Variants in KHDRBS2 observed in about 807,000 individuals in gnomAD.
KHDRBS2 encodes KH RNA binding domain containing, signal transduction associated 2, also known as KH domain-containing, RNA-binding, signal transduction-associated protein 2.
A neutral mutation model predicts 44.3 loss-of-function variants in KHDRBS2; 26 were observed. That is an observed-to-expected ratio of 0.59 (90% confidence interval 0.43 to 0.81). The LOEUF is 0.81. Ranked by LOEUF, KHDRBS2 falls within the 40% of genes least tolerant of loss-of-function variation. The pLI is 0.00. For synonymous variants in KHDRBS2, 194 were observed against 151.1 expected, an observed-to-expected ratio of 1.28 and a Z score of -2.08; for missense variants, 476 against 433.1, an observed-to-expected ratio of 1.10 and a Z score of -0.88.
At chr6:61,991,603 G>A (rs1776150146) in intron 3 of KHDRBS2, among the ~76,000 whole-genome samples, 1 of 152,236 alleles carries the variant, frequency 6.6e-6, no homozygotes, top group Non-Finnish European at 1.5e-5. Flanking sequence ...TTGAAAGGGT[G>A]AGTCGTCACT....
intron 6 of KHDRBS2, among the ~76,000 whole-genome samples, chr6:61,847,898 CT>C (rs1269226840): frequency 7.4e-6 from 1 of 135,458 alleles, no homozygotes; most frequent in African/African-American, 2.9e-5. Context: ...TTAATAAAGA[CT>C]TTAAAATGAT....
intron 2 of KHDRBS2, among the ~76,000 whole-genome samples, chr6:62,123,260 G>A (rs1187855500): frequency 1.3e-5 from 2 of 152,150 alleles, no homozygotes; most frequent in Admixed American, 6.5e-5. Flanking sequence ...AGTATTCCAT[G>A]GTGTATATGT....
intron 6 of KHDRBS2, among the ~76,000 whole-genome samples, chr6:61,847,738 T>A (rs1794621064): frequency 6.6e-6 from 1 of 152,098 alleles, no homozygotes. Context: ...TTTCTCTACT[T>A]CCTTCATGGA....
intron 2 of KHDRBS2, among the ~76,000 whole-genome samples, chr6:62,071,148 G>A (rs1207753182): frequency 7.2e-5 from 11 of 152,136 alleles, no homozygotes; most frequent in Admixed American, 7.2e-4. Context: ...CTTTTGAGAA[G>A]TTTCTGTTCA....
intron 7 of KHDRBS2, among the ~76,000 whole-genome samples, chr6:61,718,897 C>T (rs1189935007): frequency 2.0e-5 from 3 of 152,090 alleles, no homozygotes; most frequent in East Asian, 1.9e-4. Context: ...TCTAATTCCC[C>T]GCCCCCACAC....
At chr6:62,064,697 T>C (rs1021552012) in intron 2 of KHDRBS2, among the ~76,000 whole-genome samples, 1 of 151,900 alleles carries the variant, frequency 6.6e-6, no homozygotes, top group Non-Finnish European at 1.5e-5. Context: ...AACCTAGGCA[T>C]TACCATTCAG....
chr6:62,186,707 G>A (rs1025881687), intron 1 of KHDRBS2, among the ~76,000 whole-genome samples: 3 of 151,966 alleles, frequency 2.0e-5, no homozygotes, highest in African/African-American at 4.8e-5. Flanking sequence ...GGATAGTATT[G>A]TCATCTAACA....
chr6:61,740,678 T>C (rs1776010751), intron 6 of KHDRBS2, among the ~76,000 whole-genome samples: 1 of 151,942 alleles, frequency 6.6e-6, no homozygotes, highest in Admixed American at 6.6e-5. Context: ...GTTTTTAACA[T>C]GTCTTATGGG....
intron 2 of KHDRBS2, among the ~76,000 whole-genome samples, chr6:62,083,835 G>A (rs1196650901): frequency 6.6e-6 from 1 of 152,188 alleles, no homozygotes; most frequent in East Asian, 1.9e-4. Flanking sequence ...TCATAGGCTT[G>A]TGAAAAGCTG....
intron 4 of KHDRBS2, among the ~76,000 whole-genome samples, chr6:61,904,465 CACCT>C (rs1274247625): frequency 6.6e-6 from 1 of 152,174 alleles, no homozygotes; most frequent in Non-Finnish European, 1.5e-5. Flanking sequence ...AGAAATAAAT[CACCT>C]GTGAGAGTTG....
the KHDRBS2 span, among the ~76,000 whole-genome samples, chr6:61,594,070 A>G: frequency 1.3e-5 from 2 of 152,112 alleles, no homozygotes; most frequent in African/African-American, 4.8e-5. Flanking sequence ...ATAAAATAAG[A>G]ATAATCCCAA....
the KHDRBS2 span, among the ~76,000 whole-genome samples, chr6:61,673,287 TC>T: frequency 6.6e-6 from 1 of 151,838 alleles, no homozygotes; most frequent in African/African-American, 2.4e-5. Context: ...GTGTGATGCC[TC>T]CCGCTATGAC....
intron 6 of KHDRBS2, among the ~76,000 whole-genome samples, chr6:61,807,324 ATAC>A (rs1279865038): frequency 6.6e-6 from 1 of 151,984 alleles, no homozygotes; most frequent in African/African-American, 2.4e-5. Context: ...TATTGGGTAT[ATAC>A]CCAAAGGAAT....
rs190918246 is a variant in KHDRBS2 at position 62,183,333 on chromosome 6, A to G, written c.92-6021T>C. Among the ~76,000 whole-genome samples, 8 of 151,826 alleles carry G rather than the reference A, an allele frequency of 5.3e-5. No individual in the cohort carries two copies. The East Asian group carries it at 1.5e-3, about 29-fold the overall frequency. On this transcript the variant is annotated intron_variant, in intron 1 of 8. Transcript: ENST00000281156. ...AAATTATATATTTTCCTCTAAAGTC[A>G]AAATTTATGTAAATTTAAATAAATG...
chr6:61,681,864 ATTC>A (rs1265781027), intron 8 of KHDRBS2, among the ~76,000 whole-genome samples: 1 of 151,874 alleles, frequency 6.6e-6, no homozygotes, highest in Non-Finnish European at 1.5e-5. Context: ...AAGAAATGCA[ATTC>A]TTCTTTAAAA....
intron 2 of KHDRBS2, among the ~76,000 whole-genome samples, chr6:62,164,995 T>C (rs1249042303): frequency 6.6e-6 from 1 of 151,906 alleles, no homozygotes; most frequent in Non-Finnish European, 1.5e-5. Context: ...GAAATATGAA[T>C]TCTTCTGTAT....
At chr6:62,020,604 A>G (rs1034578675) in intron 3 of KHDRBS2, among the ~76,000 whole-genome samples, 6 of 151,908 alleles carry the variant, frequency 3.9e-5, no homozygotes, top group Non-Finnish European at 5.9e-5. Context: ...TTTTTGCTTC[A>G]TGTACTTTGT....
At chr6:61,866,116 T>C (rs1797756654) in intron 6 of KHDRBS2, among the ~76,000 whole-genome samples, 1 of 152,194 alleles carries the variant, frequency 6.6e-6, no homozygotes, top group Middle Eastern at 3.2e-3. Flanking sequence ...ACAGCTCCAC[T>C]AGGCAATGTC....
chr6:62,101,401 G>A (rs1801876330), intron 2 of KHDRBS2, among the ~76,000 whole-genome samples: 1 of 152,094 alleles, frequency 6.6e-6, no homozygotes, highest in African/African-American at 2.4e-5. Flanking sequence ...GTAAAATGGA[G>A]ACCTCCACAG....
Sources: gnomAD v4.1 joint callset for allele counts (sites outside exome capture counted in the v4.1 genomes callset) on GRCh38, gnomAD v4.1.1 for gene constraint, MANE v1.5 for transcripts, NCBI Gene and HGNC (gene_info 2026-07-23, HGNC 2026-07-21) for gene names.